The following IGSF5 variants were observed in gnomAD, a reference collection of about 807,000 sequenced individuals.
IGSF5 encodes the protein immunoglobulin superfamily member 5.
IGSF5 carries 41 observed loss-of-function variants against 39.4 expected under a neutral mutation model. The observed-to-expected ratio is 1.04, with a 90% CI of 0.81 to 1.35. IGSF5 has a LOEUF of 1.35. IGSF5 is among the 40% of genes most tolerant of loss of function. IGSF5 has a pLI of 0.00. For missense variants in IGSF5, 487 were observed against 494.6 expected (o/e 0.98, Z 0.15); for synonymous variants, 183 against 175.3 (o/e 1.04, Z -0.34).
At chr21:39,716,026 A>G in the IGSF5 span, among the ~76,000 whole-genome samples, 1 of 152,210 alleles carries the variant, frequency 6.6e-6, no homozygotes, top group Non-Finnish European at 1.5e-5. Flanking sequence ...TTCAATCCAC[A>G]CTGATAATTG....
rs535957001 is a variant in IGSF5 at position 39,784,931 on chromosome 21, T to C, written c.935-3236T>C. Among the ~76,000 whole-genome samples the C allele has an allele frequency of 7.2e-5, 11 of 152,134 alleles. No individual in the cohort carries two copies. The South Asian group carries it at 2.3e-3, about 32-fold the overall frequency. On this transcript the variant is annotated intron_variant, in intron 5 of 8. Coordinates refer to ENST00000380588, the MANE Select transcript of IGSF5 (RefSeq NM_001080444.2). ...TTCTGCTCAGCCTGGCCTGGGGGCT[T>C]TGGGATGGCAGCATTCTAGAGGGTC...
intron 5 of IGSF5, among the ~76,000 whole-genome samples, chr21:39,784,994 A>T (rs1447215176): frequency 6.8e-6 from 1 of 147,954 alleles, no homozygotes; most frequent in Non-Finnish European, 1.5e-5. Flanking sequence ...CCTTTAACTT[A>T]TAAGATTATT....
intron 2 of IGSF5, among the ~76,000 whole-genome samples, chr21:39,747,018 C>T (rs1336416986): frequency 6.6e-6 from 1 of 152,138 alleles, no homozygotes; most frequent in Non-Finnish European, 1.5e-5. Context: ...CCTGCCTAGG[C>T]TAAGTGTTAA....
At chr21:39,747,462 G>A (rs902956398) in intron 2 of IGSF5, among the ~76,000 whole-genome samples, 5 of 152,328 alleles carry the variant, frequency 3.3e-5, no homozygotes, top group Admixed American at 1.3e-4. Flanking sequence ...CCAGGAACCT[G>A]GAAGTGGACT....
the IGSF5 span, chr21:39,728,022 C>A: frequency 6.6e-6 from 1 of 152,078 alleles, no homozygotes; most frequent in Admixed American, 6.6e-5. Flanking sequence ...TCCTGTTTTT[C>A]TTGGGGGGAC....
chr21:39,764,916 C>T (rs2080078298), intron 2 of IGSF5, among the ~76,000 whole-genome samples: 1 of 152,148 alleles, frequency 6.6e-6, no homozygotes, highest in South Asian at 2.1e-4. Context: ...GAGTTTGGGT[C>T]CCAGCCCCAC....
At chr21:39,726,013 G>A in the IGSF5 span, 1 of 152,254 alleles carries the variant, frequency 6.6e-6, no homozygotes. Context: ...GCGTCTCAGA[G>A]AGTGGTTGAT....
intron 2 of IGSF5, among the ~76,000 whole-genome samples, chr21:39,760,266 A>G (rs2080054534): frequency 1.3e-5 from 2 of 152,178 alleles, no homozygotes; most frequent in South Asian, 4.1e-4. Context: ...ACTTCTTTGT[A>G]GGCACTGGGA....
At chr21:39,753,520 TG>T (rs764160818) in intron 2 of IGSF5, among the ~76,000 whole-genome samples, 4 of 152,170 alleles carry the variant, frequency 2.6e-5, no homozygotes, top group Non-Finnish European at 4.4e-5. Context: ...TTATGTCCAT[TG>T]TTTCTTTGTT....
At chr21:39,731,452 G>A in the IGSF5 span, among the ~76,000 whole-genome samples, 32 of 152,278 alleles carry the variant, frequency 2.1e-4, no homozygotes, top group East Asian at 5.0e-3. Context: ...GGAATGCTGC[G>A]CTATTACTCT....
intron 3 of IGSF5, among the ~76,000 whole-genome samples, chr21:39,769,493 A>G (rs2080103722): frequency 7.1e-6 from 1 of 140,840 alleles, no homozygotes; most frequent in Admixed American, 7.0e-5. Flanking sequence ...AAAAAAAAAG[A>G]GAAAAGTAAG....
At chr21:39,754,332 A>G (rs916052711) in intron 2 of IGSF5, among the ~76,000 whole-genome samples, 1 of 152,222 alleles carries the variant, frequency 6.6e-6, no homozygotes, top group Non-Finnish European at 1.5e-5. Context: ...CTTCTGGCTT[A>G]TAAGGCTTCT....
chr21:39,737,866 C>T, the IGSF5 span, among the ~76,000 whole-genome samples: 1 of 152,148 alleles, frequency 6.6e-6, no homozygotes, highest in Non-Finnish European at 1.5e-5. Flanking sequence ...TGCGGCAGGA[C>T]CCTTTCTGGA....
At chr21:39,721,236 C>T in the IGSF5 span, among the ~76,000 whole-genome samples, 1 of 152,142 alleles carries the variant, frequency 6.6e-6, no homozygotes, top group South Asian at 2.1e-4. Context: ...TTGGCAATAT[C>T]GTGAGATCTT....
intron 3 of IGSF5, among the ~76,000 whole-genome samples, chr21:39,768,916 A>G (rs1297978639): frequency 6.6e-6 from 1 of 152,204 alleles, no homozygotes; most frequent in African/African-American, 2.4e-5. Flanking sequence ...AGGGTGGTCT[A>G]TGAAGTCATG....
At chr21:39,747,867 A>G (rs2079983594) in intron 2 of IGSF5, among the ~76,000 whole-genome samples, 1 of 152,200 alleles carries the variant, frequency 6.6e-6, no homozygotes, top group African/African-American at 2.4e-5. Context: ...GTCCAAGGAC[A>G]AGGCAACTCT....
chr21:39,797,975 C>T (rs766771795), intron 8 of IGSF5, among the ~76,000 whole-genome samples: 1 of 152,172 alleles, frequency 6.6e-6, no homozygotes, highest in Non-Finnish European at 1.5e-5. Flanking sequence ...CCTTTGTGAT[C>T]AGCGGCACTT....
At chr21:39,756,758 A>G (rs1259163430) in intron 2 of IGSF5, among the ~76,000 whole-genome samples, 2 of 152,110 alleles carry the variant, frequency 1.3e-5, no homozygotes, top group African/African-American at 4.8e-5. Context: ...AGGAGGATAC[A>G]TCAGTACTGG....
chr21:39,759,897 G>A (rs183065740), intron 2 of IGSF5, among the ~76,000 whole-genome samples: 201 of 150,934 alleles, frequency 1.3e-3, no homozygotes, highest in Admixed American at 3.3e-3. Context: ...TGAGGCATAC[G>A]TGCTGTCTTG....
Sources: gnomAD v4.1 joint callset for allele counts (sites outside exome capture counted in the v4.1 genomes callset) on GRCh38, gnomAD v4.1.1 for gene constraint, MANE v1.5 for transcripts, NCBI Gene and HGNC (gene_info 2026-07-23, HGNC 2026-07-21) for gene names.